The following PITHD1 variants were observed in gnomAD, a reference collection of about 807,000 sequenced individuals.
PITHD1 encodes the protein PITH domain-containing protein 1.
A neutral mutation model predicts 27.5 loss-of-function variants in PITHD1; 8 were observed. The ratio of observed to expected loss-of-function variants is 0.29; its 90% CI spans 0.17 to 0.52. PITHD1 has a LOEUF of 0.52. Ranked by LOEUF, PITHD1 falls within the 20% of genes least tolerant of loss-of-function variation. PITHD1 has a pLI of 0.96. For missense variants in PITHD1, 233 were observed against 283.9 expected, an observed-to-expected ratio of 0.82 and a Z score of 1.29; for synonymous variants, 118 against 106.8, an observed-to-expected ratio of 1.10 and a Z score of -0.64.
chr1:23,783,297 G>A (rs965594451), intron 3 of PITHD1, among the ~76,000 whole-genome samples: 1 of 149,184 alleles, frequency 6.7e-6, no homozygotes. Flanking sequence ...ATATATATAT[G>A]TATATCTACA....
chr1:23,785,965 T>C (rs773781726), intron 4 of PITHD1, among the ~76,000 whole-genome samples, 186 bp downstream of exon 4: 15 of 152,222 alleles, frequency 9.9e-5, no homozygotes, highest in East Asian at 3.8e-4. Context: ...TTGCAAGCAA[T>C]TGGCAGATCT....
intron 5 of PITHD1, among the ~76,000 whole-genome samples, chr1:23,786,639 A>AAT (rs10636542): frequency 0.041 from 6,000 of 146,564 alleles, 368 homozygotes; most frequent in African/African-American, 0.14. Context: ...TAATATATAT[A>AAT]ATATATATAT....
chr1:23,783,338 T>C (rs995236568), intron 3 of PITHD1, among the ~76,000 whole-genome samples: 11 of 149,830 alleles, frequency 7.3e-5, no homozygotes, highest in South Asian at 4.2e-4. Flanking sequence ...CACATATATG[T>C]GTATATATAC....
intron 3 of PITHD1, 67 bp downstream of exon 3, chr1:23,780,008 C>T: frequency 2.1e-6 from 2 of 961,688 alleles, no homozygotes; most frequent in South Asian, 1.3e-5. Flanking sequence ...CATTTTATTC[C>T]AGAATAGTAT....
At chr1:23,780,495 C>A (rs1005178407) in intron 3 of PITHD1, among the ~76,000 whole-genome samples, 19 of 152,290 alleles carry the variant, frequency 1.2e-4, no homozygotes, top group African/African-American at 4.6e-4. Flanking sequence ...AAGGGGAAAA[C>A]TGCTTTCTGA....
At chr1:23,782,173 C>T (rs886942015) in intron 3 of PITHD1, among the ~76,000 whole-genome samples, 17 of 152,176 alleles carry the variant, frequency 1.1e-4, no homozygotes, top group Non-Finnish European at 1.8e-4. Context: ...AATCCCAGCA[C>T]TTTGGGAAGC....
chr1:23,780,294 C>T (rs1638578185), intron 3 of PITHD1, among the ~76,000 whole-genome samples: 1 of 152,032 alleles, frequency 6.6e-6, no homozygotes, highest in African/African-American at 2.4e-5. Flanking sequence ...GGGTTAGCTT[C>T]AACATTTTTC....
intron 3 of PITHD1, among the ~76,000 whole-genome samples, chr1:23,781,996 A>C (rs113438711): frequency 9.9e-5 from 15 of 152,210 alleles, no homozygotes; most frequent in Non-Finnish European, 1.8e-4. Context: ...AAAATGTACC[A>C]TTATATTCAA....
Position 23,778,652 on chromosome 1 carries a change from G to A in PITHD1, c.137G>A (p.Ser46Asn). Residue 46 changes from serine (S) to asparagine (N), a missense_variant, in exon 1 of 6, where the codon AGC becomes AAC. Ser to Asn is a conservative substitution (Grantham distance 46, BLOSUM62 1). Coordinates refer to ENST00000246151, the MANE Select transcript of PITHD1 (RefSeq NM_020362.5). ...DLERLQCLNE[S>N]REGSGRGVFK... ...GAGCGGCTGCAATGCCTTAACGAGA[G>A]CCGCGAGGGCAGCGGCCGCGGCGTC... 7.5e-7 allele frequency: 1 copy of A among 1,327,176 alleles called. No homozygotes were observed. 82.2% of individuals were successfully genotyped at this position (1,327,176 alleles called of 1,614,324 possible).
At chr1:23,780,237 T>G (rs1638576935) in intron 3 of PITHD1, among the ~76,000 whole-genome samples, 1 of 152,212 alleles carries the variant, frequency 6.6e-6, no homozygotes, top group Non-Finnish European at 1.5e-5. Context: ...CTCTGCAGTT[T>G]TCTTAATAAC....
At chr1:23,783,773 G>A (rs1638644499) in intron 3 of PITHD1, among the ~76,000 whole-genome samples, 1 of 152,028 alleles carries the variant, frequency 6.6e-6, no homozygotes, top group East Asian at 1.9e-4. Flanking sequence ...AATATTTATA[G>A]GTGAAATGAT....
chr1:23,781,611 G>A (rs1638602500), intron 3 of PITHD1, among the ~76,000 whole-genome samples: 1 of 152,134 alleles, frequency 6.6e-6, no homozygotes, highest in Non-Finnish European at 1.5e-5. Context: ...GATGCTTTTG[G>A]AGACTCATTT....
rs1175748678 is a variant in PITHD1 at position 23,787,392 on chromosome 1, C to G, written c.*16C>G. On this transcript the variant is annotated 3_prime_UTR_variant, in exon 6 of 6. Transcript: ENST00000246151. ...TATTTCCTAAGGGCTGGCCAAGGCT[C>G]CCATAGAGGCGCTGTGTCAGTGAAG... The G allele has an allele frequency of 5.1e-6, 7 of 1,359,558 alleles. No homozygotes were observed. Among genetic ancestry groups the G allele is most frequent in the Non-Finnish European group, 7.4e-6 (7 of 950,084 alleles). 84.2% of individuals were successfully genotyped at this position (1,359,558 alleles called of 1,614,324 possible).
At chr1:23,778,808 C>A in intron 1 of PITHD1, 95 bp downstream of exon 1, 1 of 753,536 alleles carries the variant, frequency 1.3e-6, no homozygotes, top group Non-Finnish European at 1.8e-6. Flanking sequence ...ATAACGACAG[C>A]CTGGTTGCCA....
rs1638542233 is a variant in PITHD1 at position 23,778,456 on chromosome 1, G to C, written c.-60G>C. ...GAACGGCGCGGAGCTGGTCTGAGGC[G>C]AGCCGAGCCGAGCGAGCGCGGCGGT... On this transcript the variant is annotated 5_prime_UTR_variant, in exon 1 of 6. Coordinates refer to ENST00000246151, the MANE Select transcript of PITHD1 (RefSeq NM_020362.5). 5 of 1,233,502 alleles carry C rather than the reference G, an allele frequency of 4.1e-6. No homozygotes were observed. Among genetic ancestry groups the C allele is most frequent in the Non-Finnish European group, 5.2e-6 (5 of 961,822 alleles). 76.4% of individuals were successfully genotyped at this position (1,233,502 alleles called of 1,614,324 possible). A position where few individuals can be genotyped will look rare whatever the true frequency, so the allele number is the denominator to read the frequency against.
intron 3 of PITHD1, among the ~76,000 whole-genome samples, chr1:23,781,444 CAGAG>C (rs1298311060): frequency 3.1e-5 from 4 of 128,950 alleles, no homozygotes; most frequent in Non-Finnish European, 4.7e-5. Context: ...GCCTGGGCAA[CAGAG>C]TGAGACTCTG....
At chr1:23,786,477 G>A (rs1338977296) in intron 5 of PITHD1, 54 bp downstream of exon 5, 1 of 679,630 alleles carries the variant, frequency 1.5e-6, no homozygotes, top group African/African-American at 1.8e-5. Context: ...TGCACACTGT[G>A]GTGATGGGAG....
intron 3 of PITHD1, among the ~76,000 whole-genome samples, chr1:23,783,330 C>CAT (rs562139765): frequency 1.4e-5 from 2 of 147,498 alleles, no homozygotes; most frequent in Non-Finnish European, 1.5e-5. Context: ...TATATATACA[C>CAT]ATATATGTGT....
chr1:23,779,951 A>G lies in PITHD1; in HGVS notation c.320+10A>G, dbSNP rs758638185. On this transcript the variant is annotated intron_variant, in intron 3 of 5. Transcript: ENST00000246151. ...CCTCTGAGATGAGACTGTAAGTGGC[A>G]AAGGCTTAGGCCCTCAAAGGAGCTC... The G allele has an allele frequency of 4.4e-6, 7 of 1,575,640 alleles. No homozygotes were observed. In the African/African-American group the frequency reaches 9.4e-5, roughly 21 times the overall value.
Sources: gnomAD v4.1 joint callset for allele counts (sites outside exome capture counted in the v4.1 genomes callset) on GRCh38, gnomAD v4.1.1 for gene constraint, MANE v1.5 for transcripts, NCBI Gene and HGNC (gene_info 2026-07-23, HGNC 2026-07-21) for gene names.